The following RNF19B variants were observed in gnomAD, a reference collection of about 807,000 sequenced individuals.
The protein encoded by RNF19B is ring finger protein 19B.
RNF19B carries 23 observed loss-of-function variants against 65.5 expected under a neutral mutation model. The ratio of observed to expected loss-of-function variants is 0.35; its 90% confidence interval spans 0.25 to 0.50. The LOEUF (loss-of-function observed/expected upper bound fraction) is 0.50, where lower values mean the gene tolerates loss of function less well. RNF19B is among the 20% of genes least tolerant of loss of function. RNF19B has a pLI of 0.98. For synonymous variants in RNF19B, 372 were observed against 379.6 expected, an observed-to-expected ratio of 0.98 and a Z score of 0.23; for missense variants, 794 against 980.0, an observed-to-expected ratio of 0.81 and a Z score of 2.53.
intron 1 of RNF19B, among the ~76,000 whole-genome samples, chr1:32,960,694 G>C (rs1217542838): frequency 6.6e-6 from 1 of 151,952 alleles, no homozygotes; most frequent in Non-Finnish European, 1.5e-5. Context: ...CATCCAGTAA[G>C]AACACAGAAG....
intron 7 of RNF19B, among the ~76,000 whole-genome samples, chr1:32,941,184 C>T (rs950348445): frequency 6.6e-6 from 1 of 151,888 alleles, no homozygotes; most frequent in African/African-American, 2.4e-5. Flanking sequence ...GATTGTGCCA[C>T]TGCATTCCAG....
At chr1:32,931,542 G>GTCC (rs1642030289), downstream of RNF19B, among the ~76,000 whole-genome samples, 1 of 152,284 alleles carries the variant, frequency 6.6e-6, no homozygotes, top group Non-Finnish European at 1.5e-5. Flanking sequence ...CCACTCAAGG[G>GTCC]TCCCCATTGC....
At chr1:32,954,776 A>AT (rs1367498329) in intron 1 of RNF19B, among the ~76,000 whole-genome samples, 1 of 151,708 alleles carries the variant, frequency 6.6e-6, no homozygotes, top group Non-Finnish European at 1.5e-5. Flanking sequence ...CTTAGCTTCT[A>AT]TTCCACCAAA....
chr1:32,951,088 C>T (rs886568152), intron 1 of RNF19B, among the ~76,000 whole-genome samples: 6 of 152,192 alleles, frequency 3.9e-5, no homozygotes, highest in African/African-American at 1.4e-4. Flanking sequence ...CCGCCCTCCT[C>T]GGCCTCCCAA....
chr1:32,935,727 T>C (rs1405794774), downstream of RNF19B, among the ~76,000 whole-genome samples: 1 of 152,108 alleles, frequency 6.6e-6, no homozygotes. Context: ...TATTCTGTTC[T>C]CCAACTTGTA....
At chr1:32,949,526 G>A (rs1026851006) in intron 2 of RNF19B, 43 bp downstream of exon 2, 3 of 1,560,602 alleles carry the variant, frequency 1.9e-6, no homozygotes, top group African/African-American at 1.4e-5. Context: ...CTCACATCAT[G>A]AAATACCAAA....
intron 1 of RNF19B, among the ~76,000 whole-genome samples, chr1:32,953,552 G>A (rs531943079): frequency 6.6e-6 from 1 of 152,128 alleles, no homozygotes; most frequent in African/African-American, 2.4e-5. Context: ...TATCCCCTAT[G>A]TTATATAATA....
Position 32,953,826 on chromosome 1 carries a change from T to C in RNF19B, c.636-4052A>G, listed in dbSNP as rs1201783553. On this transcript the variant is annotated intron_variant, in intron 1 of 8. Coordinates refer to ENST00000235150, the MANE Select transcript of RNF19B (RefSeq NM_001300826.2). Reference sequence around the variant, plus strand: ...TTAAGTGGACATCCAGTAGGGAGCCTTGAACACTTCATCATCCATTCCTAC... The same window carrying C: ...TTAAGTGGACATCCAGTAGGGAGCCCTGAACACTTCATCATCCATTCCTAC... Among the ~76,000 whole-genome samples the C allele has an allele frequency of 2.0e-5, 3 of 151,812 alleles. 1 individual carries two copies. Among genetic ancestry groups the C allele is most frequent in the Admixed American group, 1.3e-4 (2 of 15,204 alleles).
At chr1:32,947,018 T>C (rs117706424) in intron 3 of RNF19B, among the ~76,000 whole-genome samples, 1 of 152,326 alleles carries the variant, frequency 6.6e-6, no homozygotes, top group East Asian at 1.9e-4. Context: ...TGGGAGAGGA[T>C]ATAAAAAGAC....
At chr1:32,934,529 A>C (rs147324018), downstream of RNF19B, among the ~76,000 whole-genome samples, 560 of 152,082 alleles carry the variant, frequency 3.7e-3, 2 homozygotes, top group African/African-American at 0.013. Flanking sequence ...AAAAATACAA[A>C]AATTAGCCGG....
intron 7 of RNF19B, among the ~76,000 whole-genome samples, chr1:32,939,734 A>G (rs182553278): frequency 1.8e-4 from 28 of 152,318 alleles, no homozygotes; most frequent in Admixed American, 1.6e-3. Context: ...TTTGTTGCAC[A>G]GTTAAGTATT....
intron 7 of RNF19B, 45 bp downstream of exon 7, chr1:32,942,207 C>T (rs746030763): frequency 6.7e-7 from 1 of 1,503,714 alleles, no homozygotes; most frequent in Non-Finnish European, 9.2e-7. Flanking sequence ...TGTGTTACTT[C>T]TTATAATTCT....
At chr1:32,940,979 G>A (rs896073911) in intron 7 of RNF19B, among the ~76,000 whole-genome samples, 2 of 152,292 alleles carry the variant, frequency 1.3e-5, no homozygotes, top group East Asian at 1.9e-4. Flanking sequence ...ATCCTAGCAC[G>A]TTGGGAGCCA....
intron 3 of RNF19B, among the ~76,000 whole-genome samples, chr1:32,947,385 C>T (rs1287481531): frequency 5.3e-5 from 8 of 152,196 alleles, no homozygotes; most frequent in East Asian, 1.9e-4. Flanking sequence ...TGAGGCTGGG[C>T]GCGGTGGCTC....
chr1:32,956,608 C>G (rs1402900624), intron 1 of RNF19B, among the ~76,000 whole-genome samples: 1 of 152,128 alleles, frequency 6.6e-6, no homozygotes, highest in African/African-American at 2.4e-5. Context: ...AAGAAAAAGA[C>G]TACAGACCGC....
chr1:32,936,706 A>G lies in RNF19B; in HGVS notation c.*100T>C. 8.7e-7 allele frequency: 1 copy of G among 1,146,800 alleles called. No individual in the cohort carries two copies. The highest frequency in any genetic ancestry group is 1.2e-6 in the Non-Finnish European group (1 of 857,698). 71.0% of individuals were successfully genotyped at this position (1,146,800 alleles called of 1,614,324 possible). A position where few individuals can be genotyped will look rare whatever the true frequency, so the allele number is the denominator to read the frequency against. ...AACCTGTGACCAGAGAATCTGTGAA[A>G]TAAAATACATAAATCTCTACCCCTT... is the stretch of plus-strand genomic sequence containing the variant. On this transcript the variant is annotated 3_prime_UTR_variant, in exon 9 of 9. Coordinates refer to ENST00000235150, the MANE Select transcript of RNF19B (RefSeq NM_001300826.2).
intron 5 of RNF19B, among the ~76,000 whole-genome samples, chr1:32,944,623 A>G (rs1274091753): frequency 6.6e-6 from 1 of 152,182 alleles, no homozygotes; most frequent in Non-Finnish European, 1.5e-5. Context: ...TGTTAAGAGA[A>G]CAGGATCTGA....
At chr1:32,949,120 G>A (rs577324872) in intron 2 of RNF19B, among the ~76,000 whole-genome samples, 58 of 152,246 alleles carry the variant, frequency 3.8e-4, no homozygotes, top group Non-Finnish European at 7.4e-4. Context: ...TCCTTTTAAG[G>A]TTAATCATTA....
At chr1:32,932,271 T>C (rs927972089), downstream of RNF19B, among the ~76,000 whole-genome samples, 3 of 152,154 alleles carry the variant, frequency 2.0e-5, no homozygotes, top group East Asian at 5.8e-4. Flanking sequence ...AGAAAACATA[T>C]CGCAAACTGC....
Sources: allele counts gnomAD v4.1 joint callset (sites outside exome capture counted in the v4.1 genomes callset), GRCh38; gene constraint gnomAD v4.1.1; transcripts MANE v1.5; gene names NCBI Gene and HGNC (gene_info 2026-07-23, HGNC 2026-07-21).